PTBP2: variants seen among roughly 807,000 people sequenced by gnomAD.
The protein encoded by PTBP2 is polypyrimidine tract-binding protein 2.
PTBP2 carries 13 observed loss-of-function variants against 61.4 expected under a neutral mutation model. The ratio of observed to expected loss-of-function variants is 0.21; its 90% CI spans 0.14 to 0.34. The LOEUF (loss-of-function observed/expected upper bound fraction) is 0.34. Among genes scored for constraint, PTBP2 ranks in the 10% least tolerant of loss-of-function variants. The pLI is 1.00. For missense variants in PTBP2, 405 were observed against 642.6 expected, an observed-to-expected ratio of 0.63 and a Z score of 4.00; for synonymous variants, 215 against 218.5, an observed-to-expected ratio of 0.98 and a Z score of 0.14.
chr1:96,809,349 C>T (rs1661812499), intron 11 of PTBP2, among the ~76,000 whole-genome samples: 1 of 152,176 alleles, frequency 6.6e-6, no homozygotes, highest in Non-Finnish European at 1.5e-5. Flanking sequence ...AAAAATCAGT[C>T]ACATACTAAA....
Position 96,813,461 on chromosome 1 carries a change from T to G in PTBP2, c.*56T>G. On this transcript the variant is annotated 3_prime_UTR_variant, in exon 14 of 14. Transcript: ENST00000674951. ...ACATTGTTCAATGTCATCACCTATT[T>G]GACTGTTCAGAAAAGTGGGGACCAG... is the stretch of plus-strand genomic sequence containing the variant. 1 of 1,434,248 alleles carries G rather than the reference T, an allele frequency of 7.0e-7. No individual in the cohort carries two copies. 88.8% of individuals were successfully genotyped at this position (1,434,248 alleles called of 1,614,324 possible). A position where few individuals can be genotyped will look rare whatever the true frequency, so the allele number is the denominator to read the frequency against.
At chr1:96,762,297 TA>T (rs959277101) in intron 3 of PTBP2, among the ~76,000 whole-genome samples, 6 of 144,892 alleles carry the variant, frequency 4.1e-5, no homozygotes, top group African/African-American at 1.6e-4. Flanking sequence ...CACTTCCCAG[TA>T]GGGGCGGCCG....
chr1:96,806,577 T>C, intron 10 of PTBP2, 125 bp downstream of exon 10: 1 of 1,100,144 alleles, frequency 9.1e-7, no homozygotes. Flanking sequence ...TTCTTTGCTA[T>C]TTAAAACTCT....
intron 8 of PTBP2, 102 bp from the exon 9 acceptor site, chr1:96,804,698 C>T: frequency 1.7e-6 from 2 of 1,198,780 alleles, no homozygotes; most frequent in Non-Finnish European, 2.3e-6. Flanking sequence ...GAATGGTCAG[C>T]CGTAAGCCAT....
At chr1:96,812,614 C>T in intron 11 of PTBP2, 98 bp from the exon 12 acceptor site, 1 of 967,752 alleles carries the variant, frequency 1.0e-6, no homozygotes, top group Non-Finnish European at 1.5e-6. Flanking sequence ...ATTTTAAAAT[C>T]ATAAGAAAAT....
At chr1:96,802,212 A>AAG (rs1661083345) in intron 8 of PTBP2, among the ~76,000 whole-genome samples, 4 of 54,986 alleles carry the variant, frequency 7.3e-5, no homozygotes, top group Admixed American at 6.2e-4. Context: ...CTCCGTCTCG[A>AAG]AAAAAAAAAA....
intron 2 of PTBP2, 146 bp from the exon 3 acceptor site, chr1:96,751,279 G>A (rs1216732395): frequency 2.8e-6 from 2 of 718,034 alleles, no homozygotes; most frequent in Non-Finnish European, 5.1e-6. Context: ...TGGGAGAGTA[G>A]AGGGATGAAG....
chr1:96,752,561 A>G (rs1394684018), intron 3 of PTBP2, among the ~76,000 whole-genome samples: 1 of 152,170 alleles, frequency 6.6e-6, no homozygotes, highest in Non-Finnish European at 1.5e-5. Context: ...TGTAATGATT[A>G]CAAAGCAAAA....
chr1:96,739,830 A>T (rs538854224), intron 2 of PTBP2, among the ~76,000 whole-genome samples: 1 of 151,514 alleles, frequency 6.6e-6, no homozygotes, highest in African/African-American at 2.4e-5. Flanking sequence ...GTTTCACTGT[A>T]GCCAGGATGG....
chr1:96,740,037 C>A (rs1424069693), intron 2 of PTBP2, among the ~76,000 whole-genome samples: 4 of 152,202 alleles, frequency 2.6e-5, no homozygotes, highest in Non-Finnish European at 4.4e-5. Flanking sequence ...CCTTTTGTGA[C>A]TGGCTTATAT....
intron 8 of PTBP2, among the ~76,000 whole-genome samples, chr1:96,794,046 A>G (rs1195993114): frequency 6.6e-6 from 1 of 152,196 alleles, no homozygotes; most frequent in Non-Finnish European, 1.5e-5. Context: ...CTTTTCACAT[A>G]GTCTTGCTTA....
intron 3 of PTBP2, among the ~76,000 whole-genome samples, chr1:96,755,287 A>G (rs917439106): frequency 6.6e-6 from 1 of 152,216 alleles, no homozygotes; most frequent in African/African-American, 2.4e-5. Context: ...AATTAAAACT[A>G]CAGTGAGATA....
intron 2 of PTBP2, among the ~76,000 whole-genome samples, chr1:96,739,618 GTTTTTTTTTTTT>G (rs772410191): frequency 1.3e-4 from 11 of 83,790 alleles, no homozygotes; most frequent in South Asian, 1.2e-3. Context: ...ACTGGTGTGT[GTTTTTTTTTTTT>G]TTTTTTTTTT....
chr1:96,760,548 C>T (rs969671085), intron 3 of PTBP2, among the ~76,000 whole-genome samples: 15 of 147,606 alleles, frequency 1.0e-4, no homozygotes, highest in East Asian at 4.0e-4. Context: ...TGGGTTCAAG[C>T]GATTCTCCTG....
intron 2 of PTBP2, among the ~76,000 whole-genome samples, chr1:96,734,406 T>A (rs1253583798): frequency 1.3e-5 from 2 of 151,950 alleles, no homozygotes; most frequent in Non-Finnish European, 2.9e-5. Flanking sequence ...TATTATAAAA[T>A]GTCAAATTTG....
exon 14 of PTBP2, chr1:96,823,252 C>CA (rs1302201611): frequency 6.6e-6 from 1 of 152,278 alleles, no homozygotes; most frequent in African/African-American, 2.4e-5. Context: ...TGAGCCATGG[C>CA]ACCCGGCCAA....
intron 5 of PTBP2, among the ~76,000 whole-genome samples, chr1:96,777,110 A>G (rs1282246844): frequency 2.0e-5 from 3 of 152,056 alleles, no homozygotes; most frequent in Non-Finnish European, 4.4e-5. Flanking sequence ...TGAAAAATGT[A>G]TTTTCTGAAT....
intron 7 of PTBP2, among the ~76,000 whole-genome samples, chr1:96,783,890 A>G (rs957176061): frequency 6.6e-6 from 1 of 152,104 alleles, no homozygotes; most frequent in South Asian, 2.1e-4. Flanking sequence ...CCTGATGTGT[A>G]TGAACTCTCT....
At position 96,821,422 on chromosome 1, in the gene PTBP2, G is replaced by C. The variant is rs1234799088; in HGVS notation, c.*8017G>C. On this transcript the variant is annotated 3_prime_UTR_variant, in exon 14 of 14. Transcript: ENST00000609116. ...AGTTAACTTTATACAGTTAAGAAGA[G>C]GTTGGTTTCAGTTTTAAAGATTGTA... 2.6e-5 allele frequency: 4 copies of C among 151,792 alleles called. No individual in the cohort carries two copies. The East Asian group carries it at 7.8e-4, about 30-fold the overall frequency. The allele number at this position is 151,792 out of a possible 1,614,324, so 9.4% of individuals were successfully genotyped here.
Sources: allele counts gnomAD v4.1 joint callset (sites outside exome capture counted in the v4.1 genomes callset), GRCh38; gene constraint gnomAD v4.1.1; transcripts MANE v1.5; gene names NCBI Gene and HGNC (gene_info 2026-07-23, HGNC 2026-07-21).